The following METTL8 variants were observed in gnomAD, a reference collection of about 807,000 sequenced individuals.
METTL8 encodes tRNA N(3)-cytidine methyltransferase METTL8, mitochondrial.
Under a neutral mutation model 48.7 loss-of-function variants are expected in METTL8, and 32 were observed. The ratio of observed to expected loss-of-function variants is 0.66; its 90% confidence interval spans 0.50 to 0.88. METTL8 has a LOEUF of 0.88. Ranked by LOEUF, METTL8 falls within the 40% of genes least tolerant of loss-of-function variation. The pLI is 0.00. For synonymous variants in METTL8, 136 were observed against 157.1 expected (o/e 0.87, Z 1.01); for missense variants, 464 against 474.4 (o/e 0.98, Z 0.20).
chr2:171,382,022 T>G (rs767543394), intron 2 of METTL8, among the ~76,000 whole-genome samples: 1 of 152,094 alleles, frequency 6.6e-6, no homozygotes, highest in Admixed American at 6.5e-5. Context: ...GACCTCATGA[T>G]TCGCCCACCT....
intron 5 of METTL8, 189 bp from the exon 6 acceptor site, chr2:171,332,056 T>C (rs1447718952): frequency 6.2e-6 from 3 of 483,300 alleles, no homozygotes; most frequent in Non-Finnish European, 1.1e-5. Context: ...CAGCTAATTT[T>C]AGATTTTTTT....
At chr2:171,364,296 C>T (rs965735702) in intron 2 of METTL8, among the ~76,000 whole-genome samples, 54 of 152,076 alleles carry the variant, frequency 3.6e-4, no homozygotes, top group African/African-American at 9.6e-4. Context: ...TATGTAAAAC[C>T]TGTACTCTAT....
intron 7 of METTL8, among the ~76,000 whole-genome samples, chr2:171,328,347 C>T (rs187508211): frequency 2.0e-3 from 310 of 152,288 alleles, no homozygotes; most frequent in African/African-American, 7.1e-3. Context: ...ACAATTTATT[C>T]CCATTTAAGC....
rs187978501 is a variant in METTL8 at position 171,345,294 on chromosome 2, T to C, written c.236-5740A>G. ...CACACTCAACATCACAACTAAGAAATTGAATTAAACCATTTATGTATGACA... is the reference window on the plus strand; with the variant it reads ...CACACTCAACATCACAACTAAGAAACTGAATTAAACCATTTATGTATGACA... On this transcript the variant is annotated intron_variant, in intron 3 of 9. Coordinates refer to ENST00000375258, the MANE Select transcript of METTL8 (RefSeq NM_001321154.2). Among the ~76,000 whole-genome samples, 61 of 152,258 alleles carry C rather than the reference T, an allele frequency of 4.0e-4. 1 individual carries two copies. The highest frequency in any genetic ancestry group is 1.7e-3 in the South Asian group (8 of 4,820).
chr2:171,407,867 G>A (rs1232976003), intron 1 of METTL8, among the ~76,000 whole-genome samples: 2 of 152,222 alleles, frequency 1.3e-5, no homozygotes, highest in Non-Finnish European at 2.9e-5. Flanking sequence ...TGAGTATACA[G>A]CACACTGTAA....
chr2:171,351,282 G>T (rs1472844955), intron 3 of METTL8, among the ~76,000 whole-genome samples: 3 of 152,160 alleles, frequency 2.0e-5, no homozygotes, highest in African/African-American at 7.2e-5. Flanking sequence ...TAGATGTGTG[G>T]TATTATTTCT....
At chr2:171,345,717 A>G (rs893166047) in intron 3 of METTL8, among the ~76,000 whole-genome samples, 1 of 152,184 alleles carries the variant, frequency 6.6e-6, no homozygotes, top group Non-Finnish European at 1.5e-5. Context: ...ATAGGTAGAT[A>G]GTTAATTACA....
In METTL8 at chr2:171,326,105, C is replaced by T. The variant is rs1327684492; in HGVS notation, c.904G>A (p.Gly302Arg). 2 of 1,550,518 alleles carry T rather than the reference C, an allele frequency of 1.3e-6. No individual in the cohort carries two copies. The highest frequency in any genetic ancestry group is 1.2e-5 in the South Asian group (1 of 83,912). The change falls in exon 8 of 10, where the codon GGG becomes AGG. Residue 302 changes from glycine (G) to arginine (R), a missense_variant. Coordinates refer to ENST00000375258, the MANE Select transcript of METTL8 (RefSeq NM_001321154.2). Reference protein sequence around the residue: ...VNRLSKLLKPGGMLLFRDYGR... With the variant: ...VNRLSKLLKPRGMLLFRDYGR... Reference sequence around the variant, plus strand: ...TAGTCTCGAAATAACAGCATTCCCCCAGGTTTCAGTAACTTGGACAGTCGG... The same window carrying T: ...TAGTCTCGAAATAACAGCATTCCCCTAGGTTTCAGTAACTTGGACAGTCGG...
chr2:171,431,134 C>T (rs1692967294), intron 1 of METTL8, among the ~76,000 whole-genome samples: 1 of 152,192 alleles, frequency 6.6e-6, no homozygotes, highest in Admixed American at 6.5e-5. Context: ...CCCTGAAGAA[C>T]CTACGACGTG....
intron 1 of METTL8, among the ~76,000 whole-genome samples, chr2:171,423,880 G>A (rs1692129815): frequency 6.6e-6 from 1 of 152,200 alleles, no homozygotes; most frequent in Non-Finnish European, 1.5e-5. Flanking sequence ...TGGGGAAAAT[G>A]TCTCCAAGGC....
At chr2:171,333,030 ATTT>A (rs556676624) in intron 5 of METTL8, among the ~76,000 whole-genome samples, 53,964 of 151,338 alleles carry the variant, frequency 0.36, 10,337 homozygotes, top group African/African-American at 0.5. Flanking sequence ...TATGGAATTT[ATTT>A]AGCTAAATAA....
chr2:171,410,295 T>C (rs1690616359), intron 1 of METTL8, among the ~76,000 whole-genome samples: 1 of 152,318 alleles, frequency 6.6e-6, no homozygotes, highest in South Asian at 2.1e-4. Flanking sequence ...TGAAAAGAAA[T>C]GTCCTTGTTT....
chr2:171,330,428 C>CT (rs1685396398), intron 7 of METTL8, 131 bp downstream of exon 7: 1 of 784,582 alleles, frequency 1.3e-6, no homozygotes, highest in Admixed American at 3.1e-5. Context: ...CTTTAAAAGG[C>CT]TGTGTATTAT....
At chr2:171,381,499 T>G (rs1687530860) in intron 2 of METTL8, among the ~76,000 whole-genome samples, 1 of 152,012 alleles carries the variant, frequency 6.6e-6, no homozygotes, top group East Asian at 1.9e-4. Context: ...ATTTTTGCAA[T>G]CTACCCATCT....
In METTL8 at chr2:171,415,058, G is replaced by A. The variant is rs1371659266; in HGVS notation, c.-13+18825C>T. 2.0e-5 allele frequency among the ~76,000 whole-genome samples: 3 copies of A among 152,246 alleles called. No homozygotes were observed. In the East Asian group the frequency reaches 5.8e-4, roughly 29 times the overall value. On this transcript the variant is annotated intron_variant, in intron 1 of 9. Transcript: ENST00000375258. ...CCTCCCCAGCCACATGAAACTGTGA[G>A]TCCATTAAACCTCTTTTTCTTTATA... is the stretch of plus-strand genomic sequence containing the variant.
intron 2 of METTL8, among the ~76,000 whole-genome samples, chr2:171,360,774 C>T (rs1685080450): frequency 6.6e-6 from 1 of 152,150 alleles, no homozygotes; most frequent in Non-Finnish European, 1.5e-5. Flanking sequence ...AAAGTAATGT[C>T]CTCAGAACAC....
At chr2:171,372,911 CT>C (rs1348830857) in intron 2 of METTL8, among the ~76,000 whole-genome samples, 2 of 152,164 alleles carry the variant, frequency 1.3e-5, no homozygotes, top group Non-Finnish European at 2.9e-5. Context: ...GGTTCCAAGT[CT>C]TTGCTATTGT....
chr2:171,411,750 G>A (rs561477244), intron 1 of METTL8, among the ~76,000 whole-genome samples: 4 of 152,058 alleles, frequency 2.6e-5, no homozygotes, highest in African/African-American at 7.2e-5. Context: ...CCAAAAAATG[G>A]GGTAAAAAAG....
intron 2 of METTL8, among the ~76,000 whole-genome samples, chr2:171,361,754 T>C (rs1232934510): frequency 6.6e-6 from 1 of 152,184 alleles, no homozygotes; most frequent in African/African-American, 2.4e-5. Context: ...TTCTCAACTA[T>C]TAGTCTATTA....
Sources: allele counts gnomAD v4.1 joint callset (sites outside exome capture counted in the v4.1 genomes callset), GRCh38; gene constraint gnomAD v4.1.1; transcripts MANE v1.5; gene names NCBI Gene and HGNC (gene_info 2026-07-23, HGNC 2026-07-21).